The following RNF6 variants were observed in gnomAD, a reference collection of about 807,000 sequenced individuals.
RNF6 encodes the protein E3 ubiquitin-protein ligase RNF6.
In RNF6, 21 loss-of-function variants were observed where a neutral mutation model predicts 50.1. The observed-to-expected ratio is 0.42, with a 90% CI of 0.30 to 0.60. The LOEUF (loss-of-function observed/expected upper bound fraction) is 0.60, where lower values mean the gene tolerates loss of function less well. RNF6 is among the 20% of genes least tolerant of loss of function. The pLI, the probability that RNF6 is intolerant of heterozygous loss-of-function variation, is 0.20. For missense variants in RNF6, 698 were observed against 838.2 expected (o/e 0.83, Z 2.07); for synonymous variants, 255 against 291.8 (o/e 0.87, Z 1.29).
intron 5 of RNF6, among the ~76,000 whole-genome samples, chr13:26,162,823 T>C (rs1159533241): frequency 2.0e-5 from 3 of 152,230 alleles, no homozygotes; most frequent in Non-Finnish European, 1.5e-5. Context: ...TTGTCAAAGA[T>C]AGCATGACAG....
At chr13:26,137,080 C>T (rs1311999204) in intron 5 of RNF6, among the ~76,000 whole-genome samples, 4 of 152,178 alleles carry the variant, frequency 2.6e-5, no homozygotes, top group African/African-American at 9.7e-5. Context: ...CGAAAATCCT[C>T]ATTCCCAAAG....
chr13:26,216,654 C>T (rs1869906375), intron 4 of RNF6, among the ~76,000 whole-genome samples: 1 of 152,142 alleles, frequency 6.6e-6, no homozygotes, highest in African/African-American at 2.4e-5. Context: ...GTTTGTTCTA[C>T]TCAAAAATAG....
intron 5 of RNF6, among the ~76,000 whole-genome samples, chr13:26,165,758 T>A (rs901659602): frequency 1.3e-5 from 2 of 152,212 alleles, no homozygotes; most frequent in African/African-American, 4.8e-5. Flanking sequence ...ATTTCTCCCA[T>A]TTGGAATGGC....
At chr13:26,197,224 C>T (rs987650341) in intron 5 of RNF6, among the ~76,000 whole-genome samples, 1 of 151,906 alleles carries the variant, frequency 6.6e-6, no homozygotes, top group African/African-American at 2.4e-5. Context: ...TCAAGGCTGC[C>T]AAAGAATTTA....
chr13:26,157,544 G>T (rs890109756), intron 5 of RNF6, among the ~76,000 whole-genome samples: 2 of 152,082 alleles, frequency 1.3e-5, no homozygotes, highest in African/African-American at 4.8e-5. Context: ...ATAAAATATA[G>T]CACAATGTGA....
chr13:26,168,654 C>T (rs139216748), intron 5 of RNF6, among the ~76,000 whole-genome samples: 86 of 152,286 alleles, frequency 5.6e-4, no homozygotes, highest in African/African-American at 2.0e-3. Context: ...TTTCTAAATG[C>T]CCAAGGGCAA....
chr13:26,153,842 C>A (rs551144860), intron 5 of RNF6, among the ~76,000 whole-genome samples: 1 of 152,138 alleles, frequency 6.6e-6, no homozygotes, highest in East Asian at 1.9e-4. Context: ...GGATGAACTG[C>A]GGGCCAGAGC....
At chr13:26,200,506 TTCAA>T (rs1179977100) in intron 5 of RNF6, among the ~76,000 whole-genome samples, 1 of 149,910 alleles carries the variant, frequency 6.7e-6, no homozygotes, top group African/African-American at 2.5e-5. Flanking sequence ...ACCTCCCAGG[TTCAA>T]GCAATTCTCC....
At chr13:26,193,426 T>A (rs976912192) in intron 5 of RNF6, among the ~76,000 whole-genome samples, 4 of 152,142 alleles carry the variant, frequency 2.6e-5, no homozygotes, top group Non-Finnish European at 4.4e-5. Flanking sequence ...GAAATCATGA[T>A]GGTAGGTCAA....
chr13:26,190,122 C>T (rs558279182), intron 5 of RNF6, among the ~76,000 whole-genome samples: 1 of 152,190 alleles, frequency 6.6e-6, no homozygotes, highest in South Asian at 2.1e-4. Flanking sequence ...AGAAACCGAT[C>T]GAATGTGGTT....
intron 5 of RNF6, among the ~76,000 whole-genome samples, chr13:26,206,209 C>A (rs1593186518): frequency 6.6e-6 from 1 of 151,964 alleles, no homozygotes; most frequent in Admixed American, 6.6e-5. Context: ...CCCACTGCCC[C>A]CCGTCCCTGC....
chr13:26,138,417 A>G (rs1870760788), intron 5 of RNF6, among the ~76,000 whole-genome samples: 1 of 152,216 alleles, frequency 6.6e-6, no homozygotes, highest in Admixed American at 6.5e-5. Context: ...GAAGAAAATA[A>G]GAATATTCAT....
chr13:26,154,430 C>T (rs1406671129), intron 5 of RNF6, among the ~76,000 whole-genome samples: 1 of 152,120 alleles, frequency 6.6e-6, no homozygotes, highest in East Asian at 1.9e-4. Flanking sequence ...CATGGAAAAC[C>T]AGAGATCAAA....
chr13:26,166,558 C>T (rs1378922475), intron 5 of RNF6, among the ~76,000 whole-genome samples: 1 of 152,198 alleles, frequency 6.6e-6, no homozygotes, highest in Non-Finnish European at 1.5e-5. Flanking sequence ...TATACACCAA[C>T]AACAGCCAAG....
intron 5 of RNF6, among the ~76,000 whole-genome samples, chr13:26,148,946 T>G (rs1315246685): frequency 2.0e-5 from 3 of 151,820 alleles, no homozygotes; most frequent in Non-Finnish European, 4.4e-5. Flanking sequence ...TCTCTCTTGC[T>G]CAGGGAATGG....
rs1368423866 is a variant in RNF6 at position 26,222,013 on chromosome 13, C to G, written c.-112G>C. 2.0e-5 allele frequency: 3 copies of G among 152,322 alleles called. No individual in the cohort carries two copies. The highest frequency in any genetic ancestry group is 2.1e-4 in the South Asian group (1 of 4,838). The allele number at this position is 152,322 out of a possible 1,614,324, so 9.4% of individuals were successfully genotyped here. A position where few individuals can be genotyped will look rare whatever the true frequency, so the allele number is the denominator to read the frequency against. ...TTCCCTCGAGCCCACCTCTCCAGGT[C>G]TTGGGCCTTCGCCCTCCTGTCCGGA... is the stretch of plus-strand genomic sequence containing the variant. On this transcript the variant is annotated 5_prime_UTR_variant, in exon 1 of 5. Transcript: ENST00000381588.
rs149496083 is a variant in RNF6 at position 26,171,858 on chromosome 13, A to G, written n.769-39407T>C. 6.6e-5 allele frequency among the ~76,000 whole-genome samples: 10 copies of G among 152,354 alleles called. No homozygotes were observed. In the East Asian group the frequency reaches 1.9e-3, roughly 29 times the overall value. On this transcript the variant is annotated intron_variant and non_coding_transcript_variant, in intron 5 of 5. Coordinates refer to the RNF6 transcript ENST00000468480. ...TGGAGTACTTAGACTAGTCAAATTC[A>G]TAGAGACAGAAAAAGTAGAATAATA...
chr13:26,189,175 A>G (rs1262637148), intron 5 of RNF6, among the ~76,000 whole-genome samples: 1 of 152,060 alleles, frequency 6.6e-6, no homozygotes, highest in Non-Finnish European at 1.5e-5. Context: ...CTAAAATACA[A>G]AAATTAGCTG....
In RNF6 at chr13:26,214,685, C is replaced by G. The variant is rs757514968; in HGVS notation, c.1197G>C (p.Leu399=). The G allele has an allele frequency of 6.2e-6, 10 of 1,614,178 alleles. No homozygotes were observed. Among genetic ancestry groups the G allele is most frequent in the Non-Finnish European group, 8.5e-6 (10 of 1,180,038 alleles). Residue 399 remains leucine, a synonymous_variant, in exon 5 of 5, where the codon CTG becomes CTC. Coordinates refer to ENST00000381588, the MANE Select transcript of RNF6 (RefSeq NM_005977.4). ...TAVRRHPTIT[L]DLQVRRIRPG... ...GACGGATCCTTCTCACTTGAAGGTC[C>G]AGTGTGATTGTTGGATGTCGTCGTA...
Sources: gnomAD v4.1 joint callset for allele counts (sites outside exome capture counted in the v4.1 genomes callset) on GRCh38, gnomAD v4.1.1 for gene constraint, MANE v1.5 for transcripts, NCBI Gene and HGNC (gene_info 2026-07-23, HGNC 2026-07-21) for gene names.